AIG1: variants seen among roughly 807,000 people sequenced by gnomAD.
AIG1 encodes the protein androgen induced 1, also known as androgen-induced gene 1 protein.
In AIG1, 23 loss-of-function variants were observed where a neutral mutation model predicts 31.4. The ratio of observed to expected loss-of-function variants is 0.73; its 90% CI spans 0.53 to 1.04. The LOEUF (loss-of-function observed/expected upper bound fraction) is 1.04. AIG1 is among the 50% of genes least tolerant of loss of function. The pLI, the probability that AIG1 is intolerant of heterozygous loss-of-function variation, is 0.00. For missense variants in AIG1, 274 were observed against 295.0 expected (o/e 0.93, Z 0.52); for synonymous variants, 100 against 110.5 (o/e 0.90, Z 0.60).
intron 3 of AIG1, chr6:143,187,442 C>G: frequency 6.5e-7 from 1 of 1,535,552 alleles, no homozygotes; most frequent in African/African-American, 1.4e-5. Context: ...ACAGTATGAT[C>G]AGCTTGGTTG....
At position 143,171,515 on chromosome 6, in the gene AIG1, AAT is replaced by A. The variant is rs1226051188; in HGVS notation, c.399+6341_399+6342del. Among the ~76,000 whole-genome samples, 146 of 128,636 alleles carry A rather than the reference AAT, an allele frequency of 1.1e-3. 1 individual carries two copies. The East Asian group carries it at 0.016, about 14-fold the overall frequency. The allele number at this position is 128,636 out of a possible 152,430, so 84.4% of individuals were successfully genotyped here. On this transcript the variant is annotated intron_variant, in intron 3 of 5. Transcript: ENST00000357847. ...TATATAATATATATTTAATATATAT[AAT>A]ATATATATTTAATATATATATTATA...
intron 3 of AIG1, among the ~76,000 whole-genome samples, chr6:143,175,595 A>C (rs1160983753): frequency 6.6e-6 from 1 of 152,006 alleles, no homozygotes; most frequent in Admixed American, 6.6e-5. Flanking sequence ...GTTCAGTTCT[A>C]TTACTGAGAC....
At chr6:143,264,632 C>T (rs573027255) in intron 3 of AIG1, among the ~76,000 whole-genome samples, 7 of 152,212 alleles carry the variant, frequency 4.6e-5, no homozygotes, top group Non-Finnish European at 8.8e-5. Flanking sequence ...TTCCTTGAGA[C>T]TCCCCAGTTG....
intron 3 of AIG1, among the ~76,000 whole-genome samples, chr6:143,203,813 G>T (rs1351807664): frequency 6.6e-6 from 1 of 152,200 alleles, no homozygotes; most frequent in African/African-American, 2.4e-5. Context: ...TTCGACAGAA[G>T]ACATGGCTGG....
intron 1 of AIG1, among the ~76,000 whole-genome samples, chr6:143,075,272 T>C (rs1011975152): frequency 6.6e-6 from 1 of 152,190 alleles, no homozygotes; most frequent in Non-Finnish European, 1.5e-5. Flanking sequence ...TCTATTTTTA[T>C]TGTTCTCAAT....
chr6:143,136,734 T>A, intron 1 of AIG1, 101 bp from the exon 2 acceptor site: 1 of 1,104,518 alleles, frequency 9.1e-7, no homozygotes, highest in Non-Finnish European at 1.2e-6. Flanking sequence ...TTCTGATCCT[T>A]TCTTATTAGA....
chr6:143,107,552 CA>C (rs564713528), intron 1 of AIG1, among the ~76,000 whole-genome samples: 139 of 146,648 alleles, frequency 9.5e-4, no homozygotes, highest in Middle Eastern at 6.9e-3. Context: ...TAACTGCAAG[CA>C]AAAAAAAAAT....
intron 2 of AIG1, among the ~76,000 whole-genome samples, chr6:143,157,033 GT>G (rs1431364509): frequency 6.6e-6 from 1 of 152,140 alleles, no homozygotes; most frequent in Non-Finnish European, 1.5e-5. Context: ...TTTGGTGTAA[GT>G]TTAAAATTTA....
intron 2 of AIG1, among the ~76,000 whole-genome samples, chr6:143,142,044 C>G (rs913553519): frequency 1.5e-4 from 23 of 151,928 alleles, no homozygotes; most frequent in African/African-American, 4.4e-4. Context: ...TGAAAAAGAA[C>G]AATTATTTAT....
chr6:143,181,621 T>C (rs1410735302), intron 3 of AIG1, among the ~76,000 whole-genome samples: 1 of 152,258 alleles, frequency 6.6e-6, no homozygotes, highest in Non-Finnish European at 1.5e-5. Context: ...ATATTTTTTA[T>C]TTGTTATTTT....
chr6:143,202,481 ATAAACT>A (rs1267800941), intron 3 of AIG1, among the ~76,000 whole-genome samples: 1 of 152,240 alleles, frequency 6.6e-6, no homozygotes, highest in African/African-American at 2.4e-5. Flanking sequence ...TTTGTTAAAG[ATAAACT>A]TAAAAAAATT....
chr6:143,309,050 T>C (rs1204004108), intron 4 of AIG1, among the ~76,000 whole-genome samples: 2 of 151,850 alleles, frequency 1.3e-5, no homozygotes, highest in African/African-American at 4.8e-5. Flanking sequence ...TTCCTTTTAC[T>C]TATAGAGAAA....
chr6:143,093,849 A>G (rs747082281), intron 1 of AIG1, among the ~76,000 whole-genome samples: 39 of 152,212 alleles, frequency 2.6e-4, no homozygotes, highest in Non-Finnish European at 5.4e-4. Flanking sequence ...GTCAAAACAC[A>G]CACAACATGT....
intron 1 of AIG1, among the ~76,000 whole-genome samples, chr6:143,080,604 A>G (rs1370720939): frequency 6.6e-6 from 1 of 152,064 alleles, no homozygotes; most frequent in African/African-American, 2.4e-5. Flanking sequence ...AGTGAGAGTG[A>G]AAGGGGGTAA....
At chr6:143,200,134 T>C (rs1790578018) in intron 3 of AIG1, among the ~76,000 whole-genome samples, 1 of 152,180 alleles carries the variant, frequency 6.6e-6, no homozygotes, top group South Asian at 2.1e-4. Context: ...TTTGAGACAC[T>C]GGTGCATCTC....
Position 143,328,194 on chromosome 6 carries a change from A to G in AIG1, c.516-5088A>G, listed in dbSNP as rs1776765988. ...AAAGAAACCAGTATCTTTTGGTCGA[A>G]TAGCAAGAAGAGATGCCAGACTGCT... is the stretch of plus-strand genomic sequence containing the variant. On this transcript the variant is annotated intron_variant, in intron 4 of 5. Coordinates refer to ENST00000357847, the MANE Select transcript of AIG1 (RefSeq NM_016108.4). The surrounding 1 kb of genome is among the most constrained non-coding windows in gnomAD (Gnocchi z 4.0). Among the ~76,000 whole-genome samples the G allele has an allele frequency of 6.6e-6, 1 of 152,222 alleles. No individual in the cohort carries two copies. The highest frequency in any genetic ancestry group is 2.1e-4 in the South Asian group (1 of 4,836).
At chr6:143,109,410 A>G (rs1161467154) in intron 1 of AIG1, among the ~76,000 whole-genome samples, 4 of 152,206 alleles carry the variant, frequency 2.6e-5, no homozygotes, top group African/African-American at 9.6e-5. Flanking sequence ...TATAGAGTCC[A>G]CATATGTTCA....
At chr6:143,285,826 C>T (rs1402520410) in intron 4 of AIG1, among the ~76,000 whole-genome samples, 3 of 151,976 alleles carry the variant, frequency 2.0e-5, no homozygotes. Context: ...GAACTCACAC[C>T]TGCAATATGA....
Position 143,268,454 on chromosome 6 carries a change from A to G in AIG1, c.400-15656A>G, listed in dbSNP as rs187833494. ...AAGTTTTAAAGAGCATGAAGTGCCA[A>G]CTATGCCCTGGCTAGTAAGAAAGCC... is the stretch of plus-strand genomic sequence containing the variant. On this transcript the variant is annotated intron_variant, in intron 3 of 5. Transcript: ENST00000357847. The surrounding 1 kb of genome is among the most constrained non-coding windows in gnomAD (Gnocchi z 5.0). 5.8e-4 allele frequency among the ~76,000 whole-genome samples: 88 copies of G among 152,346 alleles called. No individual in the cohort carries two copies. The highest frequency in any genetic ancestry group is 2.1e-3 in the African/African-American group (88 of 41,588).
Sources: allele counts gnomAD v4.1 joint callset (sites outside exome capture counted in the v4.1 genomes callset), GRCh38; gene constraint gnomAD v4.1.1; non-coding constraint Gnocchi (gnomAD v3.1); transcripts MANE v1.5; gene names NCBI Gene and HGNC (gene_info 2026-07-23, HGNC 2026-07-21).